TNIK: variants seen among roughly 807,000 people sequenced by gnomAD.
TNIK encodes the protein TRAF2 and NCK interacting kinase.
Under a neutral mutation model 191.3 loss-of-function variants are expected in TNIK, and 49 were observed. That is an observed-to-expected ratio of 0.26 (90% CI 0.20 to 0.32). The LOEUF (loss-of-function observed/expected upper bound fraction) is 0.32. Among genes scored for constraint, TNIK ranks in the 10% least tolerant of loss-of-function variants. The pLI is 1.00. For missense variants in TNIK, 1,155 were observed against 1,702.3 expected (o/e 0.68, Z 5.66); for synonymous variants, 594 against 600.9 (o/e 0.99, Z 0.17).
At chr3:171,123,820 A>G in intron 17 of TNIK, 118 bp from the exon 18 acceptor site, 1 of 622,372 alleles carries the variant, frequency 1.6e-6, no homozygotes, top group South Asian at 3.0e-5. Context: ...GAAACAGTAA[A>G]GAACTATCTT....
At chr3:171,332,663 A>T (rs1055795776) in intron 2 of TNIK, among the ~76,000 whole-genome samples, 4 of 152,212 alleles carry the variant, frequency 2.6e-5, no homozygotes, top group African/African-American at 7.2e-5. Flanking sequence ...CTACCTCCTG[A>T]TTCAGCTATA....
At chr3:171,398,633 C>T (rs943601078) in intron 1 of TNIK, among the ~76,000 whole-genome samples, 4 of 152,176 alleles carry the variant, frequency 2.6e-5, no homozygotes, top group African/African-American at 9.7e-5. Context: ...TCATAAGGCA[C>T]ACTGAGGTAA....
rs74856899 is a variant in TNIK at position 171,344,754 on chromosome 3, G to C, written c.123+24866C>G. Among the ~76,000 whole-genome samples the C allele has an allele frequency of 0.016, 2,454 of 151,900 alleles. 188 individuals are homozygous for C. In the East Asian group the frequency reaches 0.24, roughly 15 times the overall value. On this transcript the variant is annotated intron_variant, in intron 2 of 32. Coordinates refer to ENST00000436636, the MANE Select transcript of TNIK (RefSeq NM_015028.4). ...TCGTTTTTCTTAACTGACTCCTCCT[G>C]CTTGAAACGATCCCCATTTAATTAC...
chr3:171,061,959 T>C lies in TNIK; in HGVS notation c.*1922A>G, dbSNP rs1717873668. The C allele has an allele frequency of 1.3e-5, 2 of 152,144 alleles. No individual in the cohort carries two copies. The highest frequency in any genetic ancestry group is 4.1e-4 in the South Asian group (2 of 4,826). 9.4% of individuals were successfully genotyped at this position (152,144 alleles called of 1,614,324 possible). A position where few individuals can be genotyped will look rare whatever the true frequency, so the allele number is the denominator to read the frequency against. On this transcript the variant is annotated 3_prime_UTR_variant, in exon 33 of 33. Coordinates refer to ENST00000436636, the MANE Select transcript of TNIK (RefSeq NM_015028.4). ...TAATCCTCAGTTACATTCCTGCATA[T>C]TACCTGCTTTAAATAAATGCAAATG...
At chr3:171,192,907 T>A (rs1366274401) in intron 5 of TNIK, among the ~76,000 whole-genome samples, 1 of 152,230 alleles carries the variant, frequency 6.6e-6, no homozygotes, top group African/African-American at 2.4e-5. Context: ...TTTATATTTT[T>A]GCCTATCCCA....
intron 1 of TNIK, among the ~76,000 whole-genome samples, chr3:171,402,561 T>G (rs1385931874): frequency 1.3e-5 from 2 of 152,148 alleles, no homozygotes; most frequent in African/African-American, 4.8e-5. Context: ...TGTGAAAATT[T>G]TTTCCTTCAT....
At chr3:171,082,146 G>T in intron 27 of TNIK, 105 bp downstream of exon 27, 1 of 1,439,938 alleles carries the variant, frequency 6.9e-7, no homozygotes, top group Non-Finnish European at 9.4e-7. Context: ...ACTTTATTGT[G>T]TTGTTTGTTA....
intron 29 of TNIK, among the ~76,000 whole-genome samples, chr3:171,069,993 CAGAA>C (rs1399598511): frequency 6.6e-6 from 1 of 152,134 alleles, no homozygotes; most frequent in Non-Finnish European, 1.5e-5. Context: ...TAGGGTCTGT[CAGAA>C]AGAACATTTT....
At chr3:171,364,090 C>A (rs187464883) in intron 2 of TNIK, among the ~76,000 whole-genome samples, 1 of 152,128 alleles carries the variant, frequency 6.6e-6, no homozygotes, top group Non-Finnish European at 1.5e-5. Context: ...GGTCCCAGGA[C>A]CTTGAACAAC....
chr3:171,244,159 G>C (rs966901405), intron 2 of TNIK, among the ~76,000 whole-genome samples: 4 of 150,900 alleles, frequency 2.7e-5, no homozygotes, highest in African/African-American at 9.7e-5. Context: ...CCGCCTCCCG[G>C]GTTCACACCA....
At chr3:171,382,808 A>C (rs185670051) in intron 1 of TNIK, among the ~76,000 whole-genome samples, 61 of 152,330 alleles carry the variant, frequency 4.0e-4, no homozygotes, top group Non-Finnish European at 7.6e-4. Flanking sequence ...AATAAACTTT[A>C]GTTATATAAA....
intron 2 of TNIK, among the ~76,000 whole-genome samples, chr3:171,249,563 A>T (rs1746000160): frequency 6.6e-6 from 1 of 152,210 alleles, no homozygotes; most frequent in Non-Finnish European, 1.5e-5. Flanking sequence ...TTAGGACATT[A>T]TACATTAAGA....
chr3:171,376,974 C>A (rs1043332925), intron 1 of TNIK, among the ~76,000 whole-genome samples: 1 of 152,176 alleles, frequency 6.6e-6, no homozygotes. Context: ...CAGTTTTCTT[C>A]ATCTGTAATT....
chr3:171,154,522 C>T (rs1372120134), intron 12 of TNIK, among the ~76,000 whole-genome samples: 1 of 151,730 alleles, frequency 6.6e-6, no homozygotes, highest in Non-Finnish European at 1.5e-5. Flanking sequence ...ATTTGAAACA[C>T]ATATATAAAT....
intron 3 of TNIK, among the ~76,000 whole-genome samples, chr3:171,226,781 CAAT>C (rs1049844948): frequency 2.6e-5 from 4 of 151,958 alleles, no homozygotes; most frequent in African/African-American, 7.2e-5. Flanking sequence ...GAATTTAGAT[CAAT>C]AATAAGTCAG....
At chr3:171,374,115 A>G (rs1418464223) in intron 1 of TNIK, among the ~76,000 whole-genome samples, 2 of 152,220 alleles carry the variant, frequency 1.3e-5, no homozygotes, top group African/African-American at 4.8e-5. Flanking sequence ...CAAGACATGT[A>G]TAGTGCAAAT....
At chr3:171,402,012 C>T (rs1033615264) in intron 1 of TNIK, among the ~76,000 whole-genome samples, 2 of 152,138 alleles carry the variant, frequency 1.3e-5, no homozygotes, top group Non-Finnish European at 1.5e-5. Context: ...AGGAAAAATT[C>T]GAAAGCTATG....
In TNIK at chr3:171,460,032, T is replaced by C; in HGVS notation, c.32A>G (p.Asp11Gly). ...CCTCAGAGCCGAGAGATCTATTTCA[T>C]CCAGGCTTCGAGCCGGGGAGTCGCT... is the stretch of plus-strand genomic sequence containing the variant. Reference protein sequence around the residue: MASDSPARSLDEIDLSALRDP... With the variant: MASDSPARSLGEIDLSALRDP... The change falls in exon 1 of 33, where the codon GAT becomes GGT. Residue 11 changes from aspartate (D) to glycine (G), a missense_variant. Transcript: ENST00000436636. The surrounding 1 kb of genome is among the most constrained non-coding windows in gnomAD (Gnocchi z 6.8). The C allele has an allele frequency of 6.2e-7, 1 of 1,609,162 alleles. No homozygotes were observed. The highest frequency in any genetic ancestry group is 8.5e-7 in the Non-Finnish European group (1 of 1,177,846).
chr3:171,123,519 A>T, intron 18 of TNIK, 77 bp downstream of exon 18: 1 of 1,229,252 alleles, frequency 8.1e-7, no homozygotes, highest in Non-Finnish European at 1.1e-6. Flanking sequence ...AAAAGAACAC[A>T]GGCATTTCTA....
Sources: allele counts gnomAD v4.1 joint callset (sites outside exome capture counted in the v4.1 genomes callset), GRCh38; gene constraint gnomAD v4.1.1; non-coding constraint Gnocchi (gnomAD v3.1); transcripts MANE v1.5; gene names NCBI Gene and HGNC (gene_info 2026-07-23, HGNC 2026-07-21).